The following SLC12A8 variants were observed in gnomAD, a reference collection of about 807,000 sequenced individuals.
SLC12A8 encodes cation-chloride cotransporter 9.
Under a neutral mutation model 75.6 loss-of-function variants are expected in SLC12A8, and 69 were observed. That is an observed-to-expected ratio of 0.91 (90% CI 0.75 to 1.11). The LOEUF (loss-of-function observed/expected upper bound fraction) is 1.11, where lower values mean the gene tolerates loss of function less well. Among genes scored for constraint, SLC12A8 ranks in the 50% most tolerant of loss-of-function variants. SLC12A8 has a pLI of 0.00. For missense variants in SLC12A8, 877 were observed against 896.7 expected, an observed-to-expected ratio of 0.98 and a Z score of 0.28; for synonymous variants, 365 against 372.8, an observed-to-expected ratio of 0.98 and a Z score of 0.24.
chr3:125,147,864 C>T (rs893759603), intron 5 of SLC12A8, among the ~76,000 whole-genome samples: 1 of 152,158 alleles, frequency 6.6e-6, no homozygotes, highest in African/African-American at 2.4e-5. Context: ...TAGAGTATAA[C>T]CCAGGGCCTC....
At chr3:125,162,999 T>C (rs1303598158) in intron 5 of SLC12A8, among the ~76,000 whole-genome samples, 1 of 152,184 alleles carries the variant, frequency 6.6e-6, no homozygotes, top group African/African-American at 2.4e-5. Flanking sequence ...AGAAACCTAA[T>C]AAAGGTTTGA....
chr3:125,155,572 C>T (rs1309805564), intron 5 of SLC12A8, among the ~76,000 whole-genome samples: 1 of 148,560 alleles, frequency 6.7e-6, no homozygotes, highest in Admixed American at 6.8e-5. Flanking sequence ...GAGATCGAGA[C>T]CATCCTGGCT....
intron 6 of SLC12A8, among the ~76,000 whole-genome samples, chr3:125,126,130 G>A (rs368994823): frequency 3.3e-5 from 5 of 152,330 alleles, no homozygotes; most frequent in South Asian, 2.1e-4. Flanking sequence ...TATGGGGAAA[G>A]CCTTCTGGCT....
At chr3:125,182,296 C>A (rs887826641) in intron 4 of SLC12A8, among the ~76,000 whole-genome samples, 16 of 151,846 alleles carry the variant, frequency 1.1e-4, no homozygotes, top group African/African-American at 3.4e-4. Context: ...CACTGCACTC[C>A]ACCCTAGGCA....
Position 125,174,230 on chromosome 3 carries a change from G to A in SLC12A8, c.622+3513C>T, listed in dbSNP as rs148244346. 1.1e-4 allele frequency among the ~76,000 whole-genome samples: 16 copies of A among 152,316 alleles called. No homozygotes were observed. In the Middle Eastern group the frequency reaches 0.014, roughly 130 times the overall value. On this transcript the variant is annotated intron_variant, in intron 5 of 13. Coordinates refer to ENST00000469902, the MANE Select transcript of SLC12A8 (RefSeq NM_024628.6). Reference sequence around the variant, plus strand: ...ATGGCAAATAAGCATACAAAAACACGTTCAATATCATACGTCATTAGAGAA... The same window carrying A: ...ATGGCAAATAAGCATACAAAAACACATTCAATATCATACGTCATTAGAGAA...
chr3:125,141,164 G>C lies in SLC12A8; in HGVS notation c.623-5382C>G, dbSNP rs187232998. Among the ~76,000 whole-genome samples the C allele has an allele frequency of 3.7e-4, 55 of 148,686 alleles. No individual in the cohort carries two copies. In the East Asian group the frequency reaches 7.5e-3, roughly 20 times the overall value. On this transcript the variant is annotated intron_variant, in intron 5 of 13. Transcript: ENST00000469902. ...TTTTAGGAAGAACAAAAACAAAAAG[G>C]GGGGTGGGGTGGGGTGCGGGTAAGA...
intron 8 of SLC12A8, among the ~76,000 whole-genome samples, chr3:125,114,442 T>C (rs1013334814): frequency 1.3e-5 from 2 of 152,252 alleles, no homozygotes; most frequent in African/African-American, 2.4e-5. Flanking sequence ...TTTGTATTTT[T>C]GAGACAGAGT....
intron 2 of SLC12A8, among the ~76,000 whole-genome samples, chr3:125,194,890 A>C (rs1306466692): frequency 6.6e-6 from 1 of 152,258 alleles, no homozygotes; most frequent in African/African-American, 2.4e-5. Context: ...GCTGAACTGC[A>C]GTCCAATGGG....
At chr3:125,161,566 C>T (rs569765137) in intron 5 of SLC12A8, among the ~76,000 whole-genome samples, 6 of 152,070 alleles carry the variant, frequency 3.9e-5, no homozygotes, top group Admixed American at 1.3e-4. Flanking sequence ...CCTGCACAGT[C>T]GGAAAGAACA....
chr3:125,098,501 T>C lies in SLC12A8; in HGVS notation c.1706-6303A>G, dbSNP rs146400202. On this transcript the variant is annotated intron_variant, in intron 10 of 13. Coordinates refer to ENST00000469902, the MANE Select transcript of SLC12A8 (RefSeq NM_024628.6). ...TTGAAAGATCATTCTCCACAAACAA[T>C]GAACCAGAGGGACTTCTAGCCATGG... 5.7e-3 allele frequency among the ~76,000 whole-genome samples: 851 copies of C among 149,932 alleles called. 5 individuals carry two copies. Among genetic ancestry groups the C allele is most frequent in the African/African-American group, 0.02 (820 of 40,714 alleles).
intron 4 of SLC12A8, among the ~76,000 whole-genome samples, chr3:125,186,088 G>A (rs1314612382): frequency 2.6e-5 from 4 of 151,804 alleles, no homozygotes; most frequent in Admixed American, 2.0e-4. Flanking sequence ...TGTCTGTACC[G>A]AGAGGGGGAA....
At chr3:125,150,975 C>A (rs79319877) in intron 5 of SLC12A8, among the ~76,000 whole-genome samples, 1 of 152,186 alleles carries the variant, frequency 6.6e-6, no homozygotes, top group African/African-American at 2.4e-5. Context: ...CGCTCACACA[C>A]ACACACCAAG....
chr3:125,093,315 C>T (rs569390841), intron 10 of SLC12A8, among the ~76,000 whole-genome samples: 1 of 152,128 alleles, frequency 6.6e-6, no homozygotes, highest in Non-Finnish European at 1.5e-5. Context: ...CCCTACATAG[C>T]CCTTCTCTGT....
chr3:125,141,673 AGGCTGCGGGCTGCG>A (rs58035397), intron 5 of SLC12A8, among the ~76,000 whole-genome samples: 6,545 of 151,892 alleles, frequency 0.043, 180 homozygotes, highest in African/African-American at 0.071. Context: ...CTGGGGCTGC[AGGCTGCGGGCTGCG>A]GGCTGCGGGC....
At chr3:125,161,936 C>CCCTT (rs1477101025) in intron 5 of SLC12A8, among the ~76,000 whole-genome samples, 1 of 152,208 alleles carries the variant, frequency 6.6e-6, no homozygotes, top group East Asian at 1.9e-4. Flanking sequence ...TCAGTTGCAA[C>CCCTT]CCTTCCTTCC....
intron 3 of SLC12A8, among the ~76,000 whole-genome samples, chr3:125,189,137 T>C (rs1287189184): frequency 6.6e-6 from 1 of 152,210 alleles, no homozygotes; most frequent in Non-Finnish European, 1.5e-5. Context: ...TTACCCTCCA[T>C]AGTATGGGTG....
Position 125,116,500 on chromosome 3 carries a change from G to A in SLC12A8, c.912+2269C>T, listed in dbSNP as rs571496208. Among the ~76,000 whole-genome samples the A allele has an allele frequency of 1.4e-4, 21 of 152,270 alleles. No homozygotes were observed. In the South Asian group the frequency reaches 1.5e-3, roughly 11 times the overall value. ...GTGGCATTCCACAGGAGGCTCCCCC[G>A]GTTTGTGTGCCTATCATTAGGTGTG... is the stretch of plus-strand genomic sequence containing the variant. On this transcript the variant is annotated intron_variant, in intron 8 of 13. Transcript: ENST00000469902.
chr3:125,204,746 A>T (rs570624308), intron 2 of SLC12A8, among the ~76,000 whole-genome samples: 80 of 152,312 alleles, frequency 5.3e-4, no homozygotes, highest in African/African-American at 1.8e-3. Context: ...TCCTAAGACA[A>T]AGAAATGATA....
Position 125,146,185 on chromosome 3 carries a change from G to A in SLC12A8, c.623-10403C>T, listed in dbSNP as rs138290704. Among the ~76,000 whole-genome samples the A allele has an allele frequency of 1.3e-4, 20 of 152,322 alleles. No individual in the cohort carries two copies. The East Asian group carries it at 1.3e-3, about 10-fold the overall frequency. On this transcript the variant is annotated intron_variant, in intron 5 of 13. Transcript: ENST00000469902. ...ATCTATTTTTGGACCACTGTTGACC[G>A]TGGATAGCTGCAACTGCAGAAAACA...
Sources: gnomAD v4.1 joint callset for allele counts (sites outside exome capture counted in the v4.1 genomes callset) on GRCh38, gnomAD v4.1.1 for gene constraint, MANE v1.5 for transcripts, NCBI Gene and HGNC (gene_info 2026-07-23, HGNC 2026-07-21) for gene names.